The following WWOX variants were observed in gnomAD, a reference collection of about 807,000 sequenced individuals.
WWOX encodes the protein WW domain containing oxidoreductase, also known as WW domain-containing oxidoreductase.
WWOX carries 69 observed loss-of-function variants against 46.2 expected under a neutral mutation model. The ratio of observed to expected loss-of-function variants is 1.49; its 90% CI spans 1.23 to 1.82. The LOEUF (loss-of-function observed/expected upper bound fraction) is 1.82. WWOX is among the 40% of genes most tolerant of loss of function. The probability of loss-of-function intolerance (pLI) is 0.00; values close to 1 mark genes in which losing one functional copy is unlikely to be tolerated. For missense variants in WWOX, 919 were observed against 542.6 expected (o/e 1.69, Z -6.89); for synonymous variants, 359 against 202.6 (o/e 1.77, Z -6.56).
intron 8 of WWOX, among the ~76,000 whole-genome samples, chr16:79,181,533 G>A (rs1298490962): frequency 6.6e-6 from 1 of 151,886 alleles, no homozygotes; most frequent in South Asian, 2.1e-4. Flanking sequence ...CGATTTCCTC[G>A]TATTGTTGAA....
chr16:78,574,724 C>T (rs930334372), intron 8 of WWOX, among the ~76,000 whole-genome samples: 1 of 151,466 alleles, frequency 6.6e-6, no homozygotes, highest in Non-Finnish European at 1.5e-5. Flanking sequence ...TATGATCTGA[C>T]TAACAATGTG....
At chr16:78,759,613 G>A (rs1346206253) in intron 8 of WWOX, among the ~76,000 whole-genome samples, 1 of 152,124 alleles carries the variant, frequency 6.6e-6, no homozygotes, top group Non-Finnish European at 1.5e-5. Flanking sequence ...ATGAGAAATG[G>A]CAACACAGGG....
chr16:78,737,326 C>G (rs900560040), intron 8 of WWOX, among the ~76,000 whole-genome samples: 1 of 151,344 alleles, frequency 6.6e-6, no homozygotes, highest in Admixed American at 6.6e-5. Flanking sequence ...AGTACAGATG[C>G]GGTTTCATCA....
chr16:78,992,500 C>G (rs1007783858), intron 8 of WWOX, among the ~76,000 whole-genome samples: 18 of 152,064 alleles, frequency 1.2e-4, no homozygotes, highest in Non-Finnish European at 1.8e-4. Flanking sequence ...CAATTTGGCT[C>G]CAGTGAGCTC....
At chr16:78,283,871 T>C (rs2079725276) in intron 5 of WWOX, among the ~76,000 whole-genome samples, 2 of 152,196 alleles carry the variant, frequency 1.3e-5, no homozygotes, top group Admixed American at 1.3e-4. Context: ...ATAGTTGTCA[T>C]TTATAATCAT....
intron 8 of WWOX, among the ~76,000 whole-genome samples, chr16:78,887,266 A>T (rs987600130): frequency 1.3e-5 from 2 of 151,980 alleles, no homozygotes. Flanking sequence ...ATTTCATTAT[A>T]CCAGCAATTC....
At chr16:78,507,515 T>G (rs1253837146) in intron 8 of WWOX, among the ~76,000 whole-genome samples, 1 of 152,226 alleles carries the variant, frequency 6.6e-6, no homozygotes, top group African/African-American at 2.4e-5. Flanking sequence ...TGTGTTTTTA[T>G]GTTTTGAAAA....
At chr16:78,857,088 G>C (rs1463300235) in intron 8 of WWOX, among the ~76,000 whole-genome samples, 1 of 152,306 alleles carries the variant, frequency 6.6e-6, no homozygotes, top group East Asian at 1.9e-4. Flanking sequence ...TTGCATATGT[G>C]GTTCATTGTT....
At chr16:78,969,873 C>T (rs779061411) in intron 8 of WWOX, among the ~76,000 whole-genome samples, 27 of 152,078 alleles carry the variant, frequency 1.8e-4, no homozygotes, top group Non-Finnish European at 2.9e-4. Context: ...TTGGGATTAA[C>T]AGCTAAAGAT....
chr16:78,968,272 A>C lies in WWOX; in HGVS notation c.1057-243336A>C, dbSNP rs187832462. On this transcript the variant is annotated intron_variant, in intron 8 of 8. Coordinates refer to ENST00000566780, the MANE Select transcript of WWOX (RefSeq NM_016373.4). ...ATGGGCGATTTCCAGACTATCCAGA[A>C]ACTGTGCCCCATAGTCCTACCCGTA... Among the ~76,000 whole-genome samples the C allele has an allele frequency of 2.2e-3, 332 of 152,320 alleles. 2 individuals carry two copies. The highest frequency in any genetic ancestry group is 6.5e-3 in the Admixed American group (100 of 15,302).
chr16:78,838,149 A>G (rs917565822), intron 8 of WWOX, among the ~76,000 whole-genome samples: 2 of 152,168 alleles, frequency 1.3e-5, no homozygotes, highest in South Asian at 4.2e-4. Flanking sequence ...GTCAGGCTGC[A>G]TGCACATTGG....
Position 78,320,058 on chromosome 16 carries a change from G to A in WWOX, c.517-66802G>A, listed in dbSNP as rs1323144042. Among the ~76,000 whole-genome samples, 3 of 152,148 alleles carry A rather than the reference G, an allele frequency of 2.0e-5. No homozygotes were observed. In the East Asian group the frequency reaches 5.8e-4, roughly 29 times the overall value. The stretch of plus-strand genomic sequence containing the variant: ...TATGGATAATGGTATATTTGGGTGA[G>A]AGTATTTGTTTCTCTTTCTCCCTAA... On this transcript the variant is annotated intron_variant, in intron 5 of 8. Transcript: ENST00000566780.
chr16:79,050,222 T>C (rs1328278772), intron 8 of WWOX, among the ~76,000 whole-genome samples: 2 of 152,064 alleles, frequency 1.3e-5, no homozygotes, highest in Admixed American at 6.5e-5. Flanking sequence ...GTCCTGCTGG[T>C]TTTGGTGGGG....
intron 8 of WWOX, among the ~76,000 whole-genome samples, chr16:78,877,476 A>G (rs565647896): frequency 1.3e-5 from 2 of 152,232 alleles, no homozygotes; most frequent in South Asian, 4.2e-4. Context: ...CTCAACTGAC[A>G]CTTTCTCAGT....
intron 4 of WWOX, among the ~76,000 whole-genome samples, chr16:78,142,354 G>C (rs993669066): frequency 3.3e-5 from 5 of 152,194 alleles, no homozygotes; most frequent in African/African-American, 1.2e-4. Flanking sequence ...GTAGCAGTGT[G>C]TTATAGCCAC....
intron 8 of WWOX, among the ~76,000 whole-genome samples, chr16:78,674,664 C>T (rs971378623): frequency 6.6e-6 from 1 of 152,074 alleles, no homozygotes. Context: ...TATCTCCTGC[C>T]CCATAACCTA....
chr16:78,735,915 C>T (rs1597515745), intron 8 of WWOX, among the ~76,000 whole-genome samples: 1 of 151,800 alleles, frequency 6.6e-6, no homozygotes, highest in Admixed American at 6.6e-5. Context: ...ACCCAGTGTT[C>T]TCTTTCTCTC....
At chr16:78,851,133 C>G (rs2052433240) in intron 8 of WWOX, among the ~76,000 whole-genome samples, 1 of 152,160 alleles carries the variant, frequency 6.6e-6, no homozygotes, top group East Asian at 1.9e-4. Flanking sequence ...AGTTCATTAA[C>G]AATATGGCTT....
intron 8 of WWOX, among the ~76,000 whole-genome samples, chr16:79,133,791 A>G (rs11862384): frequency 0.45 from 68,133 of 152,048 alleles, 16,854 homozygotes; most frequent in African/African-American, 0.68. Context: ...TATAGAATTG[A>G]GGGGAAATGC....
Sources: gnomAD v4.1 joint callset for allele counts (sites outside exome capture counted in the v4.1 genomes callset) on GRCh38, gnomAD v4.1.1 for gene constraint, MANE v1.5 for transcripts, NCBI Gene and HGNC (gene_info 2026-07-23, HGNC 2026-07-21) for gene names.